XDH: variants seen among roughly 807,000 people sequenced by gnomAD.
XDH encodes xanthine dehydrogenase, also known as xanthine dehydrogenase/oxidase.
XDH carries 138 observed loss-of-function variants against 156.1 expected under a neutral mutation model. The ratio of observed to expected loss-of-function variants is 0.88; its 90% CI spans 0.77 to 1.02. XDH has a LOEUF of 1.02. Among genes scored for constraint, XDH ranks in the 50% least tolerant of loss-of-function variants. The probability of loss-of-function intolerance (pLI) is 0.00; values close to 1 mark genes in which losing one functional copy is unlikely to be tolerated. For missense variants in XDH, 1,849 were observed against 1,684.9 expected, an observed-to-expected ratio of 1.10 and a Z score of -1.71; for synonymous variants, 669 against 625.7, an observed-to-expected ratio of 1.07 and a Z score of -1.03.
chr2:31,357,939 C>T (rs1375494446), intron 24 of XDH, among the ~76,000 whole-genome samples: 1 of 151,734 alleles, frequency 6.6e-6, no homozygotes, highest in Non-Finnish European at 1.5e-5. Context: ...TTTGAATAGT[C>T]CTAGAACTAT....
intron 35 of XDH, 113 bp downstream of exon 35, chr2:31,337,525 GGCT>G: frequency 6.7e-7 from 1 of 1,497,514 alleles, no homozygotes; most frequent in South Asian, 1.2e-5. Flanking sequence ...ATTGATGCAA[GGCT>G]GCCCGGTTAG....
intron 4 of XDH, among the ~76,000 whole-genome samples, chr2:31,400,233 CTTCT>C: frequency 7.2e-6 from 1 of 138,340 alleles, no homozygotes; most frequent in Middle Eastern, 3.9e-3. Flanking sequence ...GCTCTGGTAA[CTTCT>C]TTTTTTTTTT....
chr2:31,382,547 T>TTCC lies in XDH; in HGVS notation c.1038+451_1038+453dup, dbSNP rs547464617. ...GCTGACTGAATAATCAACAGGTGTA[T>TTCC]TCCTCCCTCTGTGGGAGGGCTCTGT... is the stretch of plus-strand genomic sequence containing the variant. On this transcript the variant is annotated intron_variant, in intron 11 of 35. Coordinates refer to ENST00000379416, the MANE Select transcript of XDH (RefSeq NM_000379.4). Among the ~76,000 whole-genome samples, 362 of 152,292 alleles carry TTCC rather than the reference T, an allele frequency of 2.4e-3. 1 individual carries two copies. The highest frequency in any genetic ancestry group is 4.5e-3 in the Non-Finnish European group (303 of 68,020).
At chr2:31,386,270 T>C (rs916346947) in intron 9 of XDH, 144 bp downstream of exon 9, 46 of 1,138,042 alleles carry the variant, frequency 4.0e-5, no homozygotes, top group Non-Finnish European at 5.1e-5. Context: ...GTCCAGGGAT[T>C]TCCAGTGGGC....
intron 25 of XDH, 61 bp from the exon 26 acceptor site, chr2:31,349,892 C>A: frequency 4.3e-6 from 7 of 1,612,384 alleles, no homozygotes; most frequent in Non-Finnish European, 5.9e-6. Flanking sequence ...GGGCAGGGCA[C>A]AACCTAAAGT....
chr2:31,389,419 C>T (rs1336974089), intron 6 of XDH, among the ~76,000 whole-genome samples: 2 of 152,306 alleles, frequency 1.3e-5, no homozygotes, highest in African/African-American at 2.4e-5. Flanking sequence ...AGACCTGCTC[C>T]GTCCATTCTG....
chr2:31,343,477 AT>A (rs1298876773), intron 31 of XDH, among the ~76,000 whole-genome samples: 3 of 133,370 alleles, frequency 2.2e-5, no homozygotes, highest in Non-Finnish European at 3.2e-5. Context: ...TATATGTATA[AT>A]ACATATATAT....
chr2:31,382,895 G>C (rs879032222), intron 11 of XDH, 106 bp downstream of exon 11: 1 of 1,537,730 alleles, frequency 6.5e-7, no homozygotes, highest in African/African-American at 1.4e-5. Flanking sequence ...AACTCTAAGC[G>C]CTAAAGTTTG....
Position 31,412,999 on chromosome 2 carries a change from A to G in XDH, c.42+1626T>C, listed in dbSNP as rs7583496. On this transcript the variant is annotated intron_variant, in intron 1 of 35. Transcript: ENST00000379416. ...TCTCCTAAAGTGAAAGTAAAATGCA[A>G]GGGAAAATAATTTTCCCCAAGCCAG... 3.9e-3 allele frequency among the ~76,000 whole-genome samples: 588 copies of G among 152,350 alleles called. 3 individuals carry two copies. Among genetic ancestry groups the G allele is most frequent in the African/African-American group, 0.013 (526 of 41,572 alleles).
At chr2:31,348,461 C>G in intron 27 of XDH, 98 bp from the exon 28 acceptor site, 2 of 1,178,828 alleles carry the variant, frequency 1.7e-6, no homozygotes, top group East Asian at 5.0e-5. Context: ...AGAGAACCAG[C>G]AGCATTTTGG....
intron 16 of XDH, 74 bp downstream of exon 16, chr2:31,373,799 C>G (rs1248624060): frequency 6.8e-7 from 1 of 1,470,156 alleles, no homozygotes; most frequent in African/African-American, 1.4e-5. Context: ...AGTCATTAGC[C>G]GATGGTCAGC....
At chr2:31,405,484 A>C (rs1261937840) in intron 2 of XDH, among the ~76,000 whole-genome samples, 1 of 152,026 alleles carries the variant, frequency 6.6e-6, no homozygotes, top group Admixed American at 6.6e-5. Flanking sequence ...TCCTTTTCCC[A>C]ATAGACACAT....
Position 31,364,207 on chromosome 2 carries a change from T to C in XDH, c.2582A>G (p.Glu861Gly), listed in dbSNP as rs778916437. ...FMKTGTVVAL[E>G]VDHFSNVGNT... ...CCCCACATTGCTGAAGTGGTCCACC[T>C]CAAGAGCCACAACTGTCCCAGTCTT... is the stretch of plus-strand genomic sequence containing the variant. The change falls in exon 24 of 36, where the codon GAG becomes GGG. Residue 861 changes from glutamate (E) to glycine (G), a missense_variant. Physicochemically the swap from Glu to Gly is moderately conservative, Grantham distance 98 (BLOSUM62 -2). Transcript: ENST00000379416. The C allele has an allele frequency of 1.2e-4, 194 of 1,613,930 alleles. No homozygotes were observed. The highest frequency in any genetic ancestry group is 1.6e-4 in the Non-Finnish European group (192 of 1,179,996).
chr2:31,398,479 T>A, intron 5 of XDH, 94 bp downstream of exon 5: 1 of 1,600,304 alleles, frequency 6.2e-7, no homozygotes, highest in African/African-American at 1.3e-5. Flanking sequence ...CTCCAAAGGG[T>A]AGTCCCTCAT....
At chr2:31,358,995 C>T (rs1347837955) in intron 24 of XDH, among the ~76,000 whole-genome samples, 1 of 152,052 alleles carries the variant, frequency 6.6e-6, no homozygotes, top group Non-Finnish European at 1.5e-5. Context: ...TAATGATTGT[C>T]TGCAGAGAAA....
intron 20 of XDH, among the ~76,000 whole-genome samples, chr2:31,367,227 A>T (rs910636416): frequency 3.9e-5 from 6 of 152,234 alleles, no homozygotes; most frequent in African/African-American, 1.4e-4. Flanking sequence ...ACGACACTGA[A>T]ATGCATCCAG....
chr2:31,343,312 A>ATGCATGTT (rs1319710615), intron 31 of XDH, among the ~76,000 whole-genome samples: 14 of 136,574 alleles, frequency 1.0e-4, no homozygotes, highest in Non-Finnish European at 2.1e-4. Context: ...ATATATATAT[A>ATGCATGTT]TATATATATA....
intron 24 of XDH, among the ~76,000 whole-genome samples, chr2:31,361,047 T>A (rs138226138): frequency 6.6e-6 from 1 of 152,234 alleles, no homozygotes. Context: ...TTTTGTTTCA[T>A]CAAGTAAAAA....
At position 31,366,123 on chromosome 2, in the gene XDH, A is replaced by G. The variant is rs1558688469; in HGVS notation, c.2323-14T>C. ...TGCAACAAAGCTCTGTGAGTGAAAG[A>G]CAGAACATTCGCACTGAATGCATTA... is the stretch of plus-strand genomic sequence containing the variant. On this transcript the variant is annotated splice_polypyrimidine_tract_variant and intron_variant, in intron 21 of 35. Coordinates refer to ENST00000379416, the MANE Select transcript of XDH (RefSeq NM_000379.4). 6.2e-7 allele frequency: 1 copy of G among 1,614,232 alleles called. No individual in the cohort carries two copies. Among genetic ancestry groups the G allele is most frequent in the East Asian group, 2.2e-5 (1 of 44,884 alleles).
Sources: allele counts gnomAD v4.1 joint callset (sites outside exome capture counted in the v4.1 genomes callset), GRCh38; gene constraint gnomAD v4.1.1; transcripts MANE v1.5; gene names NCBI Gene and HGNC (gene_info 2026-07-23, HGNC 2026-07-21).